The following SMTNL1 variants were observed in gnomAD, a reference collection of about 807,000 sequenced individuals.
SMTNL1 encodes the protein smoothelin like 1, also known as smoothelin-like protein 1.
SMTNL1 carries 41 observed loss-of-function variants against 46.6 expected under a neutral mutation model. The ratio of observed to expected loss-of-function variants is 0.88; its 90% CI spans 0.69 to 1.14. SMTNL1 has a LOEUF of 1.14. Among genes scored for constraint, SMTNL1 ranks in the 50% most tolerant of loss-of-function variants. The pLI is 0.00. For synonymous variants in SMTNL1, 234 were observed against 234.2 expected (o/e 1.00, Z 0.01); for missense variants, 591 against 626.1 (o/e 0.94, Z 0.60).
chr11:57,540,504 C>G (rs1181992807), intron 1 of SMTNL1, among the ~76,000 whole-genome samples: 1 of 152,144 alleles, frequency 6.6e-6, no homozygotes, highest in African/African-American at 2.4e-5. Context: ...ATCCATGTCA[C>G]GGGAGACCCT....
intron 6 of SMTNL1, 62 bp from the exon 7 acceptor site, chr11:57,546,439 G>T: frequency 6.2e-7 from 1 of 1,602,424 alleles, no homozygotes; most frequent in African/African-American, 1.3e-5. Flanking sequence ...TGGGAAGGGG[G>T]CCAAGTCCAG....
At chr11:57,541,705 T>C in intron 1 of SMTNL1, 1 of 613,592 alleles carries the variant, frequency 1.6e-6, no homozygotes, top group Non-Finnish European at 2.5e-6. Flanking sequence ...ACCACCTCTA[T>C]AATTTTGCTA....
intron 7 of SMTNL1, among the ~76,000 whole-genome samples, chr11:57,549,336 C>T (rs1944942150): frequency 6.6e-6 from 1 of 151,618 alleles, no homozygotes; most frequent in Admixed American, 6.6e-5. Flanking sequence ...CCTTTAAATT[C>T]TTCCTGAGGG....
At chr11:57,544,692 A>T (rs1944908178) in intron 4 of SMTNL1, among the ~76,000 whole-genome samples, 1 of 152,234 alleles carries the variant, frequency 6.6e-6, no homozygotes, top group Non-Finnish European at 1.5e-5. Flanking sequence ...TCAGGCTTCA[A>T]TGAGTAACAA....
chr11:57,538,975 A>T (rs1284573864), intron 1 of SMTNL1, among the ~76,000 whole-genome samples: 5 of 152,156 alleles, frequency 3.3e-5, no homozygotes, highest in Admixed American at 3.3e-4. Flanking sequence ...CACGCAGGAT[A>T]GCCGAGGTGT....
At chr11:57,545,605 C>CCA (rs538473583) in intron 4 of SMTNL1, among the ~76,000 whole-genome samples, 1 of 140,730 alleles carries the variant, frequency 7.1e-6, no homozygotes, top group Admixed American at 7.1e-5. Context: ...AGCTCTGTCT[C>CCA]AAAAAAAAAA....
At chr11:57,537,878 G>C (rs1294823764) in intron 1 of SMTNL1, among the ~76,000 whole-genome samples, 3 of 152,250 alleles carry the variant, frequency 2.0e-5, no homozygotes, top group Non-Finnish European at 4.4e-5. Context: ...CCACAGAGCA[G>C]GGGAGGGGAC....
rs746744734 is a variant in SMTNL1, at chr11:57,543,122, T to C, written c.480T>C (p.Pro160=). ...QKADANDRDK[P]EPKATVEEED... is the part of the protein sequence containing the mutation. ...CCGATGCCAATGACAGAGACAAGCC[T>C]GAACCTAAGGCAACAGTTGAGGAGG... Residue 160 remains proline, a synonymous_variant, in exon 2 of 8, where the codon CCT becomes CCC. Transcript: ENST00000527972. 11 of 1,612,952 alleles carry C rather than the reference T, an allele frequency of 6.8e-6. No homozygotes were observed. Among genetic ancestry groups the C allele is most frequent in the Non-Finnish European group, 9.3e-6 (11 of 1,179,430 alleles).
intron 2 of SMTNL1, 104 bp from the exon 3 acceptor site, chr11:57,543,519 GC>G: frequency 1.3e-6 from 2 of 1,524,980 alleles, no homozygotes; most frequent in Admixed American, 4.1e-5. Flanking sequence ...GACAAGGAGT[GC>G]AGCACCGTAG....
At chr11:57,540,639 T>C (rs915705141) in intron 1 of SMTNL1, among the ~76,000 whole-genome samples, 1 of 151,914 alleles carries the variant, frequency 6.6e-6, no homozygotes, top group African/African-American at 2.4e-5. Context: ...AAGATGCAGG[T>C]CACAGCCAGC....
chr11:57,544,292 ATTAC>A (rs932714244), intron 4 of SMTNL1, among the ~76,000 whole-genome samples: 1 of 152,198 alleles, frequency 6.6e-6, no homozygotes. Context: ...AGGCAGGATA[ATTAC>A]TTGAACCCAG....
chr11:57,545,352 C>T (rs1449718601), intron 4 of SMTNL1, among the ~76,000 whole-genome samples: 1 of 151,994 alleles, frequency 6.6e-6, no homozygotes, highest in Non-Finnish European at 1.5e-5. Flanking sequence ...CACCTATAAT[C>T]CCAGCACTTT....
Position 57,540,735 on chromosome 11 carries a change from G to A in SMTNL1, c.-2-1906G>A, listed in dbSNP as rs536845574. On this transcript the variant is annotated intron_variant, in intron 1 of 7. Transcript: ENST00000527972. ...TCCCTCTTTTTTTTTTTTTGAGACGGAGTCTCGCTTTGTTGCCCAGGCTGG... is the reference window on the plus strand; with the variant it reads ...TCCCTCTTTTTTTTTTTTTGAGACGAAGTCTCGCTTTGTTGCCCAGGCTGG... 1.2e-3 allele frequency among the ~76,000 whole-genome samples: 172 copies of A among 146,560 alleles called. 1 individual carries two copies. Among genetic ancestry groups the A allele is most frequent in the South Asian group, 7.4e-3 (33 of 4,472 alleles).
intron 4 of SMTNL1, among the ~76,000 whole-genome samples, chr11:57,545,153 A>G (rs1944911803): frequency 6.6e-6 from 1 of 151,960 alleles, no homozygotes; most frequent in Non-Finnish European, 1.5e-5. Context: ...TCCCTTTCTT[A>G]GGGAAAGATA....
rs545710799 is a variant in SMTNL1 at position 57,540,239 on chromosome 11, TTTTTG to T, written c.-2-2383_-2-2379del. Among the ~76,000 whole-genome samples the T allele has an allele frequency of 7.2e-5, 11 of 152,124 alleles. No individual in the cohort carries two copies. The South Asian group carries it at 1.2e-3, about 17-fold the overall frequency. ...AAATGCTAATGAAGTTATATATCTG[TTTTTG>T]TTTTGTTTTGTTTTGTTTAATTTTA... On this transcript the variant is annotated intron_variant, in intron 1 of 7. Transcript: ENST00000527972.
At chr11:57,540,552 G>A (rs1421721443) in intron 1 of SMTNL1, among the ~76,000 whole-genome samples, 9 of 152,134 alleles carry the variant, frequency 5.9e-5, no homozygotes, top group Non-Finnish European at 1.3e-4. Context: ...ACCTGATCCA[G>A]ATGAACCCCA....
Position 57,543,101 on chromosome 11 carries a change from T to A in SMTNL1, c.459T>A (p.Asp153Glu), listed in dbSNP as rs1241668272. 2 of 1,612,156 alleles carry A rather than the reference T, an allele frequency of 1.2e-6. No individual in the cohort carries two copies. The highest frequency in any genetic ancestry group is 2.2e-5 in the South Asian group (2 of 90,774). Residue 153 changes from aspartate to glutamate, a missense_variant, in exon 2 of 8, where the codon GAT (aspartate) becomes GAA (glutamate). Physicochemically the swap from Asp to Glu is conservative, Grantham distance 45. Transcript: ENST00000527972. ...AACCTGAATCTGGGCAGAAAGCCGA[T>A]GCCAATGACAGAGACAAGCCTGAAC... ...EAKPESGQKA[D>E]ANDRDKPEPK...
chr11:57,539,371 T>C (rs1944856146), intron 1 of SMTNL1, among the ~76,000 whole-genome samples: 3 of 152,002 alleles, frequency 2.0e-5, no homozygotes, highest in Admixed American at 1.3e-4. Flanking sequence ...AAATAAAAGA[T>C]GACTGGAGCA....
Position 57,546,698 on chromosome 11 carries a change from G to A in SMTNL1, c.1340+46G>A, listed in dbSNP as rs569723727. 1.0e-5 allele frequency: 16 copies of A among 1,588,732 alleles called. No individual in the cohort carries two copies. In the East Asian group the frequency reaches 2.7e-4, roughly 27 times the overall value. ...GGCAGAGCTGGATGGGAGCCTAGGCGAGGACTGGATTCACAGGGGTTGAGT... is the reference window on the plus strand; with the variant it reads ...GGCAGAGCTGGATGGGAGCCTAGGCAAGGACTGGATTCACAGGGGTTGAGT... On this transcript the variant is annotated intron_variant, in intron 7 of 7. Coordinates refer to ENST00000527972, the MANE Select transcript of SMTNL1 (RefSeq NM_001105565.3).
Sources: allele counts gnomAD v4.1 joint callset (sites outside exome capture counted in the v4.1 genomes callset), GRCh38; gene constraint gnomAD v4.1.1; transcripts MANE v1.5; gene names NCBI Gene and HGNC (gene_info 2026-07-23, HGNC 2026-07-21).